EML5: variants seen among roughly 807,000 people sequenced by gnomAD.
The protein encoded by EML5 is EMAP like 5, also known as echinoderm microtubule-associated protein-like 5.
In EML5, 120 loss-of-function variants were observed where a neutral mutation model predicts 250.0. The ratio of observed to expected loss-of-function variants is 0.48; its 90% CI spans 0.41 to 0.56. The LOEUF is 0.56. Ranked by LOEUF, EML5 falls within the 20% of genes least tolerant of loss-of-function variation. The probability of loss-of-function intolerance (pLI) is 0.00; values close to 1 mark genes in which losing one functional copy is unlikely to be tolerated. For missense variants in EML5, 2,006 were observed against 2,437.6 expected (o/e 0.82, Z 3.73); for synonymous variants, 771 against 806.5 (o/e 0.96, Z 0.75).
chr14:88,618,943 C>T, intron 39 of EML5, 131 bp from the exon 40 acceptor site: 1 of 780,424 alleles, frequency 1.3e-6, no homozygotes, highest in East Asian at 2.7e-5. Context: ...ACCTGTCAGA[C>T]ACAACTGATC....
Position 88,694,294 on chromosome 14 carries a change from A to G in EML5, c.2539+13T>C. 2 of 1,530,156 alleles carry G rather than the reference A, an allele frequency of 1.3e-6. No homozygotes were observed. The highest frequency in any genetic ancestry group is 2.4e-5 in the South Asian group (2 of 82,526). 94.8% of individuals were successfully genotyped at this position (1,530,156 alleles called of 1,614,324 possible). On this transcript the variant is annotated intron_variant, in intron 17 of 43. Coordinates refer to ENST00000554922, the MANE Select transcript of EML5 (RefSeq NM_183387.3). ...TTAAAATTCTATGGAGTAAAAAAGAAGCACTTTCTTACCTGCTTTACGCCA... is the reference window on the plus strand; with the variant it reads ...TTAAAATTCTATGGAGTAAAAAAGAGGCACTTTCTTACCTGCTTTACGCCA...
intron 21 of EML5, among the ~76,000 whole-genome samples, chr14:88,677,353 G>A (rs1179218577): frequency 1.3e-5 from 2 of 152,132 alleles, no homozygotes; most frequent in African/African-American, 2.4e-5. Flanking sequence ...AAAAACCCTA[G>A]AAGAAAATCT....
intron 21 of EML5, among the ~76,000 whole-genome samples, chr14:88,677,982 A>G (rs1028512131): frequency 3.3e-5 from 5 of 152,252 alleles, no homozygotes; most frequent in African/African-American, 1.2e-4. Flanking sequence ...TTACAAAGAT[A>G]CATGCACACA....
At chr14:88,789,159 A>G (rs1242549134) in intron 1 of EML5, among the ~76,000 whole-genome samples, 2 of 152,102 alleles carry the variant, frequency 1.3e-5, no homozygotes, top group South Asian at 4.1e-4. Context: ...TTATGCTAAA[A>G]CTGGTAGTAG....
intron 6 of EML5, among the ~76,000 whole-genome samples, chr14:88,738,027 C>T (rs1418295808): frequency 3.3e-5 from 5 of 152,070 alleles, no homozygotes; most frequent in African/African-American, 1.2e-4. Context: ...TTTCAGTTTT[C>T]TCATGTGTGT....
intron 1 of EML5, among the ~76,000 whole-genome samples, chr14:88,769,110 T>C (rs1434011810): frequency 6.6e-6 from 1 of 152,212 alleles, no homozygotes; most frequent in Non-Finnish European, 1.5e-5. Context: ...ATCTGAGCTA[T>C]TAAAATTTTG....
chr14:88,621,235 T>C lies in EML5; in HGVS notation c.5080A>G (p.Asn1694Asp), dbSNP rs1484427460. The C allele has an allele frequency of 6.2e-7, 1 of 1,613,970 alleles. No homozygotes were observed. Among genetic ancestry groups the C allele is most frequent in the Non-Finnish European group, 8.5e-7 (1 of 1,179,872 alleles). The change falls in exon 38 of 44, where the codon AAT becomes GAT. Residue 1694 changes from asparagine to aspartate, a missense_variant. Transcript: ENST00000554922. ...TCCACATGACCGTTAACTAAAATATTACAAGCTGCATTTTTCTCTCCAACT... is the reference window on the plus strand; with the variant it reads ...TCCACATGACCGTTAACTAAAATATCACAAGCTGCATTTTTCTCTCCAACT... The part of the protein sequence containing the change: ...IEVGEKNAAC[N>D]ILVNGHVDGP...
intron 18 of EML5, 39 bp from the exon 19 acceptor site, chr14:88,687,366 A>C: frequency 7.1e-7 from 1 of 1,398,990 alleles, no homozygotes; most frequent in Non-Finnish European, 9.7e-7. Context: ...AAAGATCTAA[A>C]TATTTTTTAA....
chr14:88,655,710 T>C (rs531357770), intron 27 of EML5, among the ~76,000 whole-genome samples: 3 of 152,022 alleles, frequency 2.0e-5, no homozygotes, highest in South Asian at 4.1e-4. Flanking sequence ...TGGGAGAAAA[T>C]TTTTGCAATC....
rs1447463247 is a variant in EML5 at position 88,792,543 on chromosome 14, C to T, written c.-40G>A. The T allele has an allele frequency of 3.2e-6, 4 of 1,232,896 alleles. No individual in the cohort carries two copies. Among genetic ancestry groups the T allele is most frequent in the Non-Finnish European group, 4.1e-6 (4 of 982,610 alleles). The allele number at this position is 1,232,896 out of a possible 1,614,324, so 76.4% of individuals were successfully genotyped here. On this transcript the variant is annotated 5_prime_UTR_variant, in exon 1 of 44. Transcript: ENST00000554922. This position sits in a 1 kb window ranked among gnomAD's most constrained non-coding sequence, Gnocchi z 6.9. ...CCGCCGCTCCCGCTCGGGCCCGCGGCGGCGACGGGAGGCGGCGGCGGCCCG... is the reference window on the plus strand; with the variant it reads ...CCGCCGCTCCCGCTCGGGCCCGCGGTGGCGACGGGAGGCGGCGGCGGCCCG...
At chr14:88,658,135 G>T in intron 26 of EML5, 52 bp downstream of exon 26, 1 of 1,567,046 alleles carries the variant, frequency 6.4e-7, no homozygotes, top group Non-Finnish European at 8.8e-7. Flanking sequence ...GCTTAAACAA[G>T]TTGTGCTAAA....
At chr14:88,761,445 G>A (rs1339441928) in intron 1 of EML5, among the ~76,000 whole-genome samples, 2 of 152,168 alleles carry the variant, frequency 1.3e-5, no homozygotes, top group African/African-American at 2.4e-5. Context: ...GTGAGAACAT[G>A]TGGTGTTTGG....
chr14:88,789,317 C>G (rs1158476144), intron 1 of EML5, among the ~76,000 whole-genome samples: 1 of 151,984 alleles, frequency 6.6e-6, no homozygotes, highest in East Asian at 1.9e-4. Flanking sequence ...CCCAAAAGCC[C>G]TATATTATTT....
At chr14:88,631,054 A>T (rs1034808222) in intron 33 of EML5, among the ~76,000 whole-genome samples, 1 of 152,232 alleles carries the variant, frequency 6.6e-6, no homozygotes, top group African/African-American at 2.4e-5. Context: ...CTGTCACTAC[A>T]AATACTACCA....
chr14:88,642,938 T>C lies in EML5; in HGVS notation c.4192A>G (p.Ile1398Val), dbSNP rs2091150314. 6.2e-7 allele frequency: 1 copy of C among 1,606,748 alleles called. No individual in the cohort carries two copies. Among genetic ancestry groups the C allele is most frequent in the East Asian group, 2.3e-5 (1 of 44,420 alleles). Residue 1398 changes from isoleucine (I) to valine (V), a missense_variant, in exon 31 of 44, where the codon ATT becomes GTT. Ile to Val is a conservative substitution (Grantham distance 29). This residue lies in a region of EML5 where 1,375 missense variants were observed against 1,590.3 expected (regional missense o/e 0.86). Coordinates refer to ENST00000554922, the MANE Select transcript of EML5 (RefSeq NM_183387.3). The stretch of plus-strand genomic sequence containing the variant: ...ATTCCAACAGATGCAGTGTGATAAA[T>C]TATATCATCACCATCATTTAAATAG... Reference protein sequence around the residue: ...VHYLNDGDDIIYHTASVGILH... With the variant: ...VHYLNDGDDIVYHTASVGILH...
At chr14:88,756,660 T>TA (rs1045267959) in intron 1 of EML5, among the ~76,000 whole-genome samples, 6 of 152,126 alleles carry the variant, frequency 3.9e-5, no homozygotes, top group African/African-American at 1.2e-4. Flanking sequence ...ACGATCAACA[T>TA]AAAAAATCTA....
chr14:88,717,941 T>C (rs1651584873), intron 8 of EML5, among the ~76,000 whole-genome samples: 2 of 152,220 alleles, frequency 1.3e-5, no homozygotes, highest in South Asian at 4.1e-4. Flanking sequence ...GTACTATAGG[T>C]TAAAGATATA....
intron 1 of EML5, among the ~76,000 whole-genome samples, chr14:88,775,252 T>C (rs948048419): frequency 6.6e-6 from 1 of 152,210 alleles, no homozygotes; most frequent in Non-Finnish European, 1.5e-5. Flanking sequence ...GTAAATACTT[T>C]GTCTTGTACC....
intron 33 of EML5, among the ~76,000 whole-genome samples, chr14:88,629,325 A>G (rs1936240924): frequency 6.6e-6 from 1 of 152,156 alleles, no homozygotes; most frequent in Non-Finnish European, 1.5e-5. Flanking sequence ...CTTAAATTCA[A>G]TGACTGAGCT....
Sources: allele counts gnomAD v4.1 joint callset (sites outside exome capture counted in the v4.1 genomes callset), GRCh38; gene constraint gnomAD v4.1.1; regional missense constraint gnomAD v4.1.1; non-coding constraint Gnocchi (gnomAD v3.1); transcripts MANE v1.5; gene names NCBI Gene and HGNC (gene_info 2026-07-23, HGNC 2026-07-21).